Variants in MYT1L observed in about 807,000 individuals in gnomAD.
MYT1L encodes the protein myelin transcription factor 1-like protein.
In MYT1L, 12 loss-of-function variants were observed where a neutral mutation model predicts 126.7. That is an observed-to-expected ratio of 0.09 (90% confidence interval 0.06 to 0.15). The LOEUF is 0.15. Among genes scored for constraint, MYT1L ranks in the 10% least tolerant of loss-of-function variants. MYT1L has a pLI of 1.00. For missense variants in MYT1L, 979 were observed against 1,585.2 expected (o/e 0.62, Z 6.49); for synonymous variants, 541 against 604.2 (o/e 0.90, Z 1.53).
intron 3 of MYT1L, among the ~76,000 whole-genome samples, chr2:2,165,861 T>C (rs928979004): frequency 5.9e-5 from 9 of 151,342 alleles, no homozygotes; most frequent in Non-Finnish European, 8.8e-5. Context: ...CTTTTATTTT[T>C]CTACTTTGTA....
intron 8 of MYT1L, among the ~76,000 whole-genome samples, chr2:1,951,639 C>T (rs1455431753): frequency 3.3e-5 from 5 of 152,162 alleles, no homozygotes; most frequent in East Asian, 1.9e-4. Flanking sequence ...TGTTTAACCG[C>T]GGGAGATGTA....
chr2:2,203,546 C>T (rs904827576), intron 2 of MYT1L, among the ~76,000 whole-genome samples: 4 of 151,604 alleles, frequency 2.6e-5, no homozygotes, highest in African/African-American at 9.7e-5. Context: ...AGGAATCAAA[C>T]TTAGAAGGGA....
In MYT1L at chr2:1,789,365, T is replaced by C. The variant is rs1180975586; in HGVS notation, c.*2502A>G. On this transcript the variant is annotated 3_prime_UTR_variant, in exon 25 of 25. Coordinates refer to ENST00000647738, the MANE Select transcript of MYT1L (RefSeq NM_001303052.2). ...TTATACAAAATTCTGTCTTAATAAA[T>C]GATTACTTAAATTAACTTAGAAATG... The C allele has an allele frequency of 6.6e-6, 1 of 152,196 alleles. No homozygotes were observed. Among genetic ancestry groups the C allele is most frequent in the Non-Finnish European group, 1.5e-5 (1 of 68,032 alleles). The allele number at this position is 152,196 out of a possible 1,614,324, so 9.4% of individuals were successfully genotyped here. A position where few individuals can be genotyped will look rare whatever the true frequency, so the allele number is the denominator to read the frequency against.
At chr2:1,999,584 G>A (rs966554308) in intron 4 of MYT1L, among the ~76,000 whole-genome samples, 4 of 152,076 alleles carry the variant, frequency 2.6e-5, no homozygotes, top group Admixed American at 2.0e-4. Context: ...GAAATTCCAT[G>A]GCCATCTTTA....
intron 2 of MYT1L, among the ~76,000 whole-genome samples, chr2:2,272,407 C>A (rs2149349647): frequency 6.6e-6 from 1 of 152,308 alleles, no homozygotes; most frequent in Middle Eastern, 3.4e-3. Context: ...TGCTGCCTGC[C>A]CAAGGGGTGG....
At chr2:2,180,372 A>T (rs1374758870) in intron 2 of MYT1L, among the ~76,000 whole-genome samples, 1 of 152,234 alleles carries the variant, frequency 6.6e-6, no homozygotes, top group African/African-American at 2.4e-5. Context: ...TAAAAAAAAA[A>T]AAAACAACAA....
chr2:2,321,270 C>T (rs946667998), intron 1 of MYT1L, among the ~76,000 whole-genome samples: 4 of 152,152 alleles, frequency 2.6e-5, no homozygotes, highest in Admixed American at 1.3e-4. Context: ...CAGGGTCCAC[C>T]GGCAGATGCG....
At chr2:2,272,617 C>G (rs1277431177) in intron 2 of MYT1L, among the ~76,000 whole-genome samples, 1 of 152,188 alleles carries the variant, frequency 6.6e-6, no homozygotes, top group Admixed American at 6.5e-5. Flanking sequence ...ACAATATCAT[C>G]TCCAGCATAG....
Position 1,903,192 on chromosome 2 carries a change from T to C in MYT1L, c.1920A>G (p.Lys640=). 6.2e-7 allele frequency: 1 copy of C among 1,614,008 alleles called. No homozygotes were observed. Among genetic ancestry groups the C allele is most frequent in the Non-Finnish European group, 8.5e-7 (1 of 1,179,894 alleles). Residue 640 remains lysine, a synonymous_variant, in exon 14 of 25, where the codon AAA becomes AAG. Transcript: ENST00000647738. ...PRSNLAKELE[K]YSKTSFEYNS... is the part of the protein sequence containing the mutation. Reference sequence around the variant, plus strand: ...TGTATTCAAACGAGGTCTTGGAATATTTCTCGAGCTCCTTGGCCAGGTTGG... The same window carrying C: ...TGTATTCAAACGAGGTCTTGGAATACTTCTCGAGCTCCTTGGCCAGGTTGG...
intron 4 of MYT1L, among the ~76,000 whole-genome samples, chr2:2,016,875 G>C (rs1026909105): frequency 1.3e-5 from 2 of 152,222 alleles, no homozygotes; most frequent in African/African-American, 2.4e-5. Context: ...CCATCAGCCA[G>C]AGCACAGCTA....
At chr2:2,159,005 GAGA>G (rs779316090) in intron 3 of MYT1L, among the ~76,000 whole-genome samples, 24 of 152,288 alleles carry the variant, frequency 1.6e-4, no homozygotes, top group African/African-American at 4.1e-4. Context: ...GCACTTGTAG[GAGA>G]AGAAGTCTAA....
intron 21 of MYT1L, among the ~76,000 whole-genome samples, chr2:1,832,587 C>T (rs2040336876): frequency 6.6e-6 from 1 of 152,172 alleles, no homozygotes; most frequent in Non-Finnish European, 1.5e-5. Context: ...GTCTAGCCCT[C>T]ATCATGCCTC....
At chr2:2,112,810 G>C (rs2079633926) in intron 3 of MYT1L, among the ~76,000 whole-genome samples, 1 of 152,198 alleles carries the variant, frequency 6.6e-6, no homozygotes, top group South Asian at 2.1e-4. Flanking sequence ...AATTCATTAT[G>C]AACCTTAATA....
intron 2 of MYT1L, among the ~76,000 whole-genome samples, chr2:2,234,723 C>A (rs1199376881): frequency 6.6e-6 from 1 of 152,190 alleles, no homozygotes; most frequent in Non-Finnish European, 1.5e-5. Flanking sequence ...CTGAGTAATT[C>A]TCTGGTTCAA....
At chr2:2,167,624 C>T (rs1008843620) in intron 3 of MYT1L, among the ~76,000 whole-genome samples, 2 of 152,242 alleles carry the variant, frequency 1.3e-5, no homozygotes, top group African/African-American at 2.4e-5. Flanking sequence ...TCCCAAACCT[C>T]TGGCCTTTCC....
chr2:1,862,992 C>T (rs1444284261), intron 18 of MYT1L, among the ~76,000 whole-genome samples: 2 of 152,172 alleles, frequency 1.3e-5, no homozygotes, highest in Non-Finnish European at 2.9e-5. Flanking sequence ...ACAGGAGGCT[C>T]ACAACGCTGG....
At position 2,262,932 on chromosome 2, in the gene MYT1L, A is replaced by ATATT. The variant is rs1553610292; in HGVS notation, c.-421+21471_-421+21472insAATA. On this transcript the variant is annotated intron_variant, in intron 2 of 24. Transcript: ENST00000647738. ...GAGGCACAAATATATATATATATAT[A>ATATT]ACCTGTGATATATATATATATATCA... Among the ~76,000 whole-genome samples, 21 of 41,242 alleles carry ATATT rather than the reference A, an allele frequency of 5.1e-4. 2 individuals carry two copies. The East Asian group carries it at 0.041, about 80-fold the overall frequency. 27.1% of individuals were successfully genotyped at this position (41,242 alleles called of 152,430 possible).
intron 4 of MYT1L, among the ~76,000 whole-genome samples, chr2:2,048,613 C>A (rs1446609101): frequency 6.6e-6 from 1 of 152,212 alleles, no homozygotes; most frequent in Non-Finnish European, 1.5e-5. Flanking sequence ...AAGAGAAACT[C>A]ATCTCTGGCA....
chr2:2,227,687 T>C (rs564023423), intron 2 of MYT1L, among the ~76,000 whole-genome samples: 3 of 152,340 alleles, frequency 2.0e-5, no homozygotes, highest in Admixed American at 6.5e-5. Flanking sequence ...TTTTTGGGGA[T>C]AGTGGTTCAA....
Sources: gnomAD v4.1 joint callset for allele counts (sites outside exome capture counted in the v4.1 genomes callset) on GRCh38, gnomAD v4.1.1 for gene constraint, MANE v1.5 for transcripts, NCBI Gene and HGNC (gene_info 2026-07-23, HGNC 2026-07-21) for gene names.